The following PITPNC1 variants were observed in gnomAD, a reference collection of about 807,000 sequenced individuals.
PITPNC1 encodes the protein cytoplasmic phosphatidylinositol transfer protein 1.
PITPNC1 carries 18 observed loss-of-function variants against 44.7 expected under a neutral mutation model. The ratio of observed to expected loss-of-function variants is 0.40; its 90% CI spans 0.28 to 0.60. The LOEUF (loss-of-function observed/expected upper bound fraction) is 0.60. Ranked by LOEUF, PITPNC1 falls within the 20% of genes least tolerant of loss-of-function variation. The probability of loss-of-function intolerance (pLI) is 0.39; values close to 1 mark genes in which losing one functional copy is unlikely to be tolerated. For synonymous variants in PITPNC1, 141 were observed against 149.6 expected (o/e 0.94, Z 0.42); for missense variants, 290 against 418.4 (o/e 0.69, Z 2.68).
At chr17:67,438,835 T>C (rs2038973159) in intron 1 of PITPNC1, among the ~76,000 whole-genome samples, 1 of 152,204 alleles carries the variant, frequency 6.6e-6, no homozygotes, top group African/African-American at 2.4e-5. Context: ...GAGTTGAAAG[T>C]GCTGAAAAGA....
At chr17:67,548,000 G>A (rs920530064) in intron 2 of PITPNC1, among the ~76,000 whole-genome samples, 12 of 152,218 alleles carry the variant, frequency 7.9e-5, no homozygotes, top group South Asian at 2.1e-4. Context: ...AGGCTGAGCC[G>A]CACCCTGGGC....
chr17:67,410,256 G>A (rs1328924329), intron 1 of PITPNC1, among the ~76,000 whole-genome samples: 3 of 152,322 alleles, frequency 2.0e-5, no homozygotes, highest in Non-Finnish European at 2.9e-5. Context: ...GCTTGAGAAC[G>A]TAGTATGCAA....
intron 1 of PITPNC1, among the ~76,000 whole-genome samples, chr17:67,406,298 T>G (rs2038399971): frequency 1.3e-5 from 2 of 151,738 alleles, no homozygotes; most frequent in South Asian, 4.2e-4. Flanking sequence ...TGTGTCACCT[T>G]GCTTGGCCAA....
At position 67,609,272 on chromosome 17, in the gene PITPNC1, G is replaced by C. The variant is rs140485281; in HGVS notation, c.367-22871G>C. Among the ~76,000 whole-genome samples the C allele has an allele frequency of 7.5e-3, 1,075 of 143,158 alleles. 8 individuals carry two copies. Among genetic ancestry groups the C allele is most frequent in the African/African-American group, 0.026 (1,017 of 38,384 alleles). 93.9% of individuals were successfully genotyped at this position (143,158 alleles called of 152,430 possible). ...GAGGCCTGGTGGGAGAGTTGGTCATGTTCTTCTTCTTCTTCCTTTTTTTTT... is the reference window on the plus strand; with the variant it reads ...GAGGCCTGGTGGGAGAGTTGGTCATCTTCTTCTTCTTCTTCCTTTTTTTTT... On this transcript the variant is annotated intron_variant, in intron 5 of 8. Transcript: ENST00000581322.
chr17:67,407,632 G>A (rs62084087), intron 1 of PITPNC1, among the ~76,000 whole-genome samples: 10,493 of 151,816 alleles, frequency 0.069, 368 homozygotes, highest in Middle Eastern at 0.11. Context: ...GAGAAACCCC[G>A]TCTCTACTAA....
At chr17:67,547,029 A>G (rs2040694326) in intron 2 of PITPNC1, among the ~76,000 whole-genome samples, 1 of 152,254 alleles carries the variant, frequency 6.6e-6, no homozygotes, top group African/African-American at 2.4e-5. Flanking sequence ...CAGTTTTAGT[A>G]CAAGAAGGAA....
chr17:67,617,419 CA>C (rs2041773929), intron 5 of PITPNC1, among the ~76,000 whole-genome samples: 1 of 152,200 alleles, frequency 6.6e-6, no homozygotes, highest in Admixed American at 6.5e-5. Context: ...GCAGGAGAAT[CA>C]CTTGAACCCA....
At chr17:67,570,652 A>G (rs1460395744) in intron 4 of PITPNC1, among the ~76,000 whole-genome samples, 1 of 152,156 alleles carries the variant, frequency 6.6e-6, no homozygotes, top group Non-Finnish European at 1.5e-5. Context: ...TGAGGTTGCA[A>G]TTGTCTCCAT....
chr17:67,689,155 T>C (rs1301345852), intron 8 of PITPNC1, among the ~76,000 whole-genome samples: 3 of 152,150 alleles, frequency 2.0e-5, no homozygotes, highest in Non-Finnish European at 2.9e-5. Context: ...TGAGCAGAGA[T>C]TGTGCCACTG....
chr17:67,393,388 A>T (rs1388495309), intron 1 of PITPNC1, among the ~76,000 whole-genome samples: 1 of 147,528 alleles, frequency 6.8e-6, no homozygotes, highest in Non-Finnish European at 1.5e-5. Context: ...GAATTTGACT[A>T]CTCTAGGTAT....
chr17:67,460,740 C>CTTTTTTTT (rs138545288), intron 1 of PITPNC1, among the ~76,000 whole-genome samples: 4 of 121,532 alleles, frequency 3.3e-5, no homozygotes, highest in East Asian at 2.9e-4. Context: ...TTCTTTCTTT[C>CTTTTTTTT]TTTTTTTTTT....
intron 1 of PITPNC1, among the ~76,000 whole-genome samples, chr17:67,405,610 T>C (rs2038385078): frequency 7.1e-6 from 1 of 140,268 alleles, no homozygotes; most frequent in Non-Finnish European, 1.5e-5. Flanking sequence ...TCTTTCTTTC[T>C]TTTTTTTTTT....
chr17:67,377,810 G>A lies in PITPNC1; in HGVS notation c.-345G>A, dbSNP rs2037894477. ...TTTTTTCCTCCCTCGCTCGCTGCCG[G>A]GCATGTCCTGATCTGGCGGCCGCTC... is the stretch of plus-strand genomic sequence containing the variant. On this transcript the variant is annotated 5_prime_UTR_variant, in exon 1 of 9. Transcript: ENST00000581322. 1.7e-5 allele frequency: 5 copies of A among 293,182 alleles called. No homozygotes were observed. The South Asian group carries it at 6.0e-4, about 35-fold the overall frequency. The allele number at this position is 293,182 out of a possible 1,614,324, so 18.2% of individuals were successfully genotyped here. A position where few individuals can be genotyped will look rare whatever the true frequency, so the allele number is the denominator to read the frequency against.
At chr17:67,539,566 C>G (rs958424428) in intron 2 of PITPNC1, among the ~76,000 whole-genome samples, 1 of 152,212 alleles carries the variant, frequency 6.6e-6, no homozygotes, top group African/African-American at 2.4e-5. Context: ...AGTCCCGGCA[C>G]GATGGCTCAC....
intron 1 of PITPNC1, among the ~76,000 whole-genome samples, chr17:67,451,247 G>C (rs533206214): frequency 3.9e-5 from 6 of 152,200 alleles, no homozygotes; most frequent in South Asian, 4.1e-4. Context: ...GACCAGGCTG[G>C]TCTCGATCTC....
chr17:67,599,516 A>G (rs2041514022), intron 5 of PITPNC1, among the ~76,000 whole-genome samples: 1 of 152,156 alleles, frequency 6.6e-6, no homozygotes, highest in Non-Finnish European at 1.5e-5. Context: ...TGGATGAGAA[A>G]GGAGCACTCT....
At chr17:67,459,218 A>T (rs1199927273) in intron 1 of PITPNC1, among the ~76,000 whole-genome samples, 1 of 149,484 alleles carries the variant, frequency 6.7e-6, no homozygotes, top group Admixed American at 6.7e-5. Context: ...GCCAGGTTCA[A>T]GCGATTCTCC....
At chr17:67,647,463 GGTTTTTTTTTTT>G (rs1484548055) in intron 6 of PITPNC1, among the ~76,000 whole-genome samples, 14 of 90,596 alleles carry the variant, frequency 1.5e-4, no homozygotes, top group African/African-American at 1.5e-4. Context: ...GCTAATTTTG[GGTTTTTTTTTTT>G]TTTTTTTTTT....
At chr17:67,614,166 C>T (rs1424365328) in intron 5 of PITPNC1, among the ~76,000 whole-genome samples, 1 of 151,856 alleles carries the variant, frequency 6.6e-6, no homozygotes, top group Non-Finnish European at 1.5e-5. Context: ...ATACTAACAT[C>T]TGTCGCTGGC....
Sources: gnomAD v4.1 joint callset for allele counts (sites outside exome capture counted in the v4.1 genomes callset) on GRCh38, gnomAD v4.1.1 for gene constraint, MANE v1.5 for transcripts, NCBI Gene and HGNC (gene_info 2026-07-23, HGNC 2026-07-21) for gene names.